Variants in TOX3 observed in about 807,000 individuals in gnomAD.
The protein encoded by TOX3 is CAG trinucleotide repeat-containing gene F9 protein.
Under a neutral mutation model 64.3 loss-of-function variants are expected in TOX3, and 22 were observed. That is an observed-to-expected ratio of 0.34 (90% CI 0.24 to 0.49). The LOEUF is 0.49. TOX3 is among the 20% of genes least tolerant of loss of function. The pLI, the probability that TOX3 is intolerant of heterozygous loss-of-function variation, is 0.99. For synonymous variants in TOX3, 291 were observed against 273.6 expected (o/e 1.06, Z -0.63); for missense variants, 661 against 714.4 (o/e 0.93, Z 0.85).
intron 3 of TOX3, among the ~76,000 whole-genome samples, chr16:52,459,291 A>T (rs187952306): frequency 1.2e-4 from 18 of 152,320 alleles, no homozygotes; most frequent in Admixed American, 5.9e-4. Context: ...CCTGAGTGAC[A>T]GAGTAAGATC....
At chr16:52,500,728 C>T (rs1288224949) in intron 1 of TOX3, among the ~76,000 whole-genome samples, 1 of 152,170 alleles carries the variant, frequency 6.6e-6, no homozygotes, top group African/African-American at 2.4e-5. Flanking sequence ...TTATTTCTTC[C>T]TCACAACCTT....
At chr16:52,544,491 T>C (rs895602032) in intron 1 of TOX3, among the ~76,000 whole-genome samples, 1 of 152,228 alleles carries the variant, frequency 6.6e-6, no homozygotes, top group Admixed American at 6.5e-5. Flanking sequence ...TATAATTTGA[T>C]TCCTACCAAT....
At chr16:52,443,201 C>T (rs182116680) in intron 6 of TOX3, among the ~76,000 whole-genome samples, 2 of 152,342 alleles carry the variant, frequency 1.3e-5, no homozygotes, top group East Asian at 3.9e-4. Flanking sequence ...GCAGCCCACA[C>T]AGTCAGCTGT....
chr16:52,485,185 A>G (rs920293460), intron 1 of TOX3, among the ~76,000 whole-genome samples: 2 of 146,952 alleles, frequency 1.4e-5, no homozygotes, highest in Admixed American at 6.8e-5. Flanking sequence ...ATGCGTGTGT[A>G]TATGTAGTGT....
At chr16:52,440,748 CTTTCTTTTT>C (rs1959947170) in intron 6 of TOX3, among the ~76,000 whole-genome samples, 1 of 89,456 alleles carries the variant, frequency 1.1e-5, no homozygotes, top group South Asian at 4.8e-4. Flanking sequence ...ATTTTTCTTT[CTTTCTTTTT>C]TTTTTTTTTT....
At chr16:52,445,002 G>T (rs1960121171) in intron 5 of TOX3, 1 of 152,146 alleles carries the variant, frequency 6.6e-6, no homozygotes, top group Non-Finnish European at 1.5e-5. Flanking sequence ...TTCCTAAGTG[G>T]TCTGATGGCT....
At chr16:52,510,070 G>A (rs1374340463) in intron 1 of TOX3, among the ~76,000 whole-genome samples, 1 of 150,602 alleles carries the variant, frequency 6.6e-6, no homozygotes, top group Non-Finnish European at 1.5e-5. Context: ...CTGGAAATCT[G>A]CCCTCGCCTC....
intron 1 of TOX3, among the ~76,000 whole-genome samples, chr16:52,536,845 CTGTG>C (rs917911860): frequency 6.8e-6 from 1 of 146,966 alleles, no homozygotes; most frequent in Non-Finnish European, 1.5e-5. Context: ...GTGTGTGTGT[CTGTG>C]TGTGTGTGTG....
At chr16:52,486,576 G>C (rs1297580034) in intron 1 of TOX3, among the ~76,000 whole-genome samples, 2 of 152,128 alleles carry the variant, frequency 1.3e-5, no homozygotes, top group African/African-American at 2.4e-5. Context: ...GTTTTGGTGG[G>C]AGAATGGAAA....
At chr16:52,528,342 T>A (rs537086956) in intron 1 of TOX3, among the ~76,000 whole-genome samples, 3 of 152,244 alleles carry the variant, frequency 2.0e-5, no homozygotes, top group Middle Eastern at 3.4e-3. Flanking sequence ...TCACATACAA[T>A]AACTCTATGG....
At chr16:52,488,686 C>CA (rs1361353027) in intron 1 of TOX3, among the ~76,000 whole-genome samples, 2 of 151,848 alleles carry the variant, frequency 1.3e-5, no homozygotes, top group African/African-American at 4.8e-5. Flanking sequence ...GGAAGTAGAC[C>CA]AAAAAAATTG....
chr16:52,526,289 T>C (rs1962725591), intron 1 of TOX3, among the ~76,000 whole-genome samples: 1 of 152,086 alleles, frequency 6.6e-6, no homozygotes, highest in African/African-American at 2.4e-5. Flanking sequence ...AGGCAGGAGA[T>C]TACGAAGCCA....
At chr16:52,443,852 A>T (rs959777806) in intron 6 of TOX3, among the ~76,000 whole-genome samples, 2 of 152,184 alleles carry the variant, frequency 1.3e-5, no homozygotes, top group African/African-American at 4.8e-5. Flanking sequence ...GATATGGAAC[A>T]GTTTGGTCAA....
intron 3 of TOX3, among the ~76,000 whole-genome samples, chr16:52,459,594 C>G (rs1960628205): frequency 6.6e-6 from 1 of 152,104 alleles, no homozygotes; most frequent in Non-Finnish European, 1.5e-5. Context: ...GCTTGTCCCC[C>G]CATGGCTAAA....
intron 1 of TOX3, among the ~76,000 whole-genome samples, chr16:52,520,015 T>C (rs938976176): frequency 2.7e-5 from 4 of 146,584 alleles, no homozygotes; most frequent in African/African-American, 9.9e-5. Flanking sequence ...GGAGAAGAAA[T>C]AGTAGTAGAT....
intron 1 of TOX3, among the ~76,000 whole-genome samples, chr16:52,498,195 C>G (rs2151462595): frequency 6.6e-6 from 1 of 152,160 alleles, no homozygotes; most frequent in South Asian, 2.1e-4. Flanking sequence ...TGTCATCAAC[C>G]AAAAGGGGAG....
intron 1 of TOX3, among the ~76,000 whole-genome samples, chr16:52,544,796 C>T (rs45511499): frequency 4.6e-4 from 70 of 152,328 alleles, no homozygotes; most frequent in Non-Finnish European, 8.5e-4. Flanking sequence ...CCAATTTCCT[C>T]TGGTCCCTTG....
chr16:52,528,468 T>C (rs1393840417), intron 1 of TOX3, among the ~76,000 whole-genome samples: 1 of 151,628 alleles, frequency 6.6e-6, no homozygotes, highest in African/African-American at 2.4e-5. Context: ...ATTTCAGAAA[T>C]GATGATGCTG....
chr16:52,487,545 T>C (rs976414582), intron 1 of TOX3, among the ~76,000 whole-genome samples: 1 of 152,098 alleles, frequency 6.6e-6, no homozygotes, highest in East Asian at 1.9e-4. Flanking sequence ...ACCCACGTCA[T>C]TTAAGTAGGG....
Sources: gnomAD v4.1 joint callset for allele counts (sites outside exome capture counted in the v4.1 genomes callset) on GRCh38, gnomAD v4.1.1 for gene constraint, MANE v1.5 for transcripts, NCBI Gene and HGNC (gene_info 2026-07-23, HGNC 2026-07-21) for gene names.